Variants in FAM149A observed in about 807,000 individuals in gnomAD.
The protein encoded by FAM149A is family with sequence similarity 149 member A.
In FAM149A, 71 loss-of-function variants were observed where a neutral mutation model predicts 78.2. The ratio of observed to expected loss-of-function variants is 0.91; its 90% CI spans 0.75 to 1.11. FAM149A has a LOEUF of 1.11. Among genes scored for constraint, FAM149A ranks in the 50% least tolerant of loss-of-function variants. The pLI, the probability that FAM149A is intolerant of heterozygous loss-of-function variation, is 0.00. For synonymous variants in FAM149A, 446 were observed against 410.5 expected, an observed-to-expected ratio of 1.09 and a Z score of -1.04; for missense variants, 1,036 against 971.0, an observed-to-expected ratio of 1.07 and a Z score of -0.89.
chr4:186,121,817 C>G (rs1050963659), intron 1 of FAM149A, among the ~76,000 whole-genome samples: 5 of 152,190 alleles, frequency 3.3e-5, no homozygotes, highest in African/African-American at 1.2e-4. Flanking sequence ...CTCTGTCTTG[C>G]TTTTGTGGTG....
chr4:186,154,357 A>G (rs1156310134), intron 5 of FAM149A, 111 bp from the exon 6 acceptor site: 4 of 839,670 alleles, frequency 4.8e-6, no homozygotes, highest in Non-Finnish European at 7.0e-6. Context: ...CCGTTTTGGG[A>G]GGGGGGGATT....
chr4:186,126,684 C>T (rs981685140), intron 1 of FAM149A, among the ~76,000 whole-genome samples: 1 of 151,998 alleles, frequency 6.6e-6, no homozygotes, highest in African/African-American at 2.4e-5. Flanking sequence ...CCCCATTGAC[C>T]CCCCTGGTTC....
chr4:186,111,799 C>A (rs1031021709), intron 1 of FAM149A, among the ~76,000 whole-genome samples: 4 of 151,038 alleles, frequency 2.6e-5, no homozygotes, highest in Admixed American at 2.0e-4. Context: ...GTTACTGTAG[C>A]CTTGTAGTAT....
chr4:186,127,661 A>G (rs2099318896), intron 1 of FAM149A: 1 of 985,260 alleles, frequency 1.0e-6, no homozygotes, highest in African/African-American at 1.7e-5. Context: ...TGTGTGTGAA[A>G]GAGGTAGTCT....
intron 13 of FAM149A, chr4:186,167,514 A>C (rs891474465): frequency 7.0e-4 from 14 of 19,990 alleles, no homozygotes; most frequent in Non-Finnish European, 1.8e-3. Context: ...CCTCACTCAA[A>C]AAAAAAAAAA....
chr4:186,158,824 G>T (rs919273677), intron 8 of FAM149A: 1 of 1,003,578 alleles, frequency 1.0e-6, no homozygotes, highest in South Asian at 4.2e-5. Flanking sequence ...TGAATGAGGA[G>T]GATCAACCAC....
In FAM149A at chr4:186,105,362, T is replaced by C. The variant is rs983447075; in HGVS notation, c.286T>C (p.Ser96Pro). The C allele has an allele frequency of 1.1e-5, 13 of 1,187,472 alleles. No individual in the cohort carries two copies. The Admixed American group carries it at 4.8e-4, about 44-fold the overall frequency. 73.6% of individuals were successfully genotyped at this position (1,187,472 alleles called of 1,614,324 possible). A position where few individuals can be genotyped will look rare whatever the true frequency, so the allele number is the denominator to read the frequency against. ...CGCGGGAGCAGTGGGGACCCTGCTC[T>C]CTTGGCCCAGTAGCCCTAGAGCGGG... Residue 96 changes from serine (S) to proline (P), a missense_variant, in exon 1 of 14, where the codon TCT becomes CCT. Ser to Pro is a moderately conservative substitution (Grantham distance 74, BLOSUM62 -1). Coordinates refer to ENST00000389354, the MANE Select transcript of FAM149A (RefSeq NM_001367768.3).
In FAM149A at chr4:186,130,293, C is replaced by CTCTATATATATA; in HGVS notation, c.567-18879_567-18878insCTATATATATAT. ...TCTCTCTCTCTCTCTCTCTCTCTCT[C>CTCTATATATATA]TATATATATATATATATATATAATC... On this transcript the variant is annotated intron_variant, in intron 1 of 13. Coordinates refer to ENST00000389354, the MANE Select transcript of FAM149A (RefSeq NM_001367768.3). The CTCTATATATATA allele has an allele frequency of 5.1e-3, 239 of 46,548 alleles. 1 individual carries two copies. The highest frequency in any genetic ancestry group is 0.029 in the Middle Eastern group (2 of 68). 2.9% of individuals were successfully genotyped at this position (46,548 alleles called of 1,614,324 possible).
At chr4:186,161,412 T>G (rs1033805844) in intron 8 of FAM149A, among the ~76,000 whole-genome samples, 1 of 152,216 alleles carries the variant, frequency 6.6e-6, no homozygotes, top group Admixed American at 6.5e-5. Context: ...CTCAGAGGCT[T>G]GTTTCACTCT....
chr4:186,105,110 T>C lies in FAM149A; in HGVS notation c.34T>C (p.Leu12=), dbSNP rs548025618. ...TGCTGTGCTGGACCTTGGGTCTCTCTTGGCCAAACTCTTCGAGACCTCGAC... is the reference window on the plus strand; with the variant it reads ...TGCTGTGCTGGACCTTGGGTCTCTCCTGGCCAAACTCTTCGAGACCTCGAC... The change falls in exon 1 of 14, where the codon TTG becomes CTG. Residue 12 remains leucine (L), a synonymous_variant. Transcript: ENST00000389354. 16 of 1,281,660 alleles carry C rather than the reference T, an allele frequency of 1.2e-5. No individual in the cohort carries two copies. In the South Asian group the frequency reaches 1.9e-4, roughly 15 times the overall value. The allele number at this position is 1,281,660 out of a possible 1,614,324, so 79.4% of individuals were successfully genotyped here.
rs1181664698 is a variant in FAM149A, at chr4:186,163,434, G to A, written c.1690G>A (p.Glu564Lys). The A allele has an allele frequency of 6.2e-7, 1 of 1,613,398 alleles. No homozygotes were observed. The highest frequency in any genetic ancestry group is 1.7e-5 in the Admixed American group (1 of 60,026). ...GGATTTCCTTCCCAGGAATGAGAAG[G>A]AGGACAAAGCATCGGGTGGAGGGGC... Residue 564 changes from glutamate to lysine, a missense_variant, in exon 10 of 14, where the codon GAG becomes AAG. Glu to Lys is a moderately conservative substitution (Grantham distance 56). Transcript: ENST00000389354.
At chr4:186,127,987 C>CATTT (rs2099319087) in intron 1 of FAM149A, among the ~76,000 whole-genome samples, 1 of 62,390 alleles carries the variant, frequency 1.6e-5, no homozygotes. Context: ...CATGCCCGGC[C>CATTT]TTTTTTTTTT....
rs1406312357 is a variant in FAM149A at position 186,105,092 on chromosome 4, C to T, written c.16C>T (p.Leu6=). The T allele has an allele frequency of 4.7e-6, 6 of 1,280,470 alleles. No individual in the cohort carries two copies. The highest frequency in any genetic ancestry group is 6.1e-6 in the Non-Finnish European group (6 of 985,032). 79.3% of individuals were successfully genotyped at this position (1,280,470 alleles called of 1,614,324 possible). ...CTGTCGAGGCATGAAGGCTGCTGTG[C>T]TGGACCTTGGGTCTCTCTTGGCCAA... is the stretch of plus-strand genomic sequence containing the variant. Residue 6 remains leucine (L), a synonymous_variant, in exon 1 of 14, where the codon CTG becomes TTG. Coordinates refer to ENST00000389354, the MANE Select transcript of FAM149A (RefSeq NM_001367768.3).
At chr4:186,136,954 C>CTCTCTCTT (rs2099323117) in intron 1 of FAM149A, among the ~76,000 whole-genome samples, 4 of 111,390 alleles carry the variant, frequency 3.6e-5, no homozygotes, top group African/African-American at 1.2e-4. Flanking sequence ...CTCTCTCTCT[C>CTCTCTCTT]TCTCTCTCTT....
At chr4:186,116,429 T>C (rs2099313741) in intron 1 of FAM149A, 1 of 982,554 alleles carries the variant, frequency 1.0e-6, no homozygotes, top group African/African-American at 1.7e-5. Context: ...TCATGACCGT[T>C]ACTTTCTATT....
Position 186,156,192 on chromosome 4 carries a change from T to C in FAM149A, c.1420+2T>C. The C allele has an allele frequency of 6.2e-7, 1 of 1,608,572 alleles. No homozygotes were observed. Among genetic ancestry groups the C allele is most frequent in the Middle Eastern group, 1.7e-4 (1 of 6,036 alleles). On this transcript the variant is annotated splice_donor_variant, in intron 7 of 13. Coordinates refer to ENST00000389354, the MANE Select transcript of FAM149A (RefSeq NM_001367768.3). LOFTEE classifies it high-confidence loss of function. ...AACACTGGGAAACTACACTCACAGG[T>C]ACTTACATGCAGAATTTAGCTTAAT...
At chr4:186,158,222 C>T (rs926074482) in intron 8 of FAM149A, 11 of 1,268,992 alleles carry the variant, frequency 8.7e-6, no homozygotes, top group African/African-American at 4.6e-5. Flanking sequence ...AACCTTCACT[C>T]GCCAGACCCA....
intron 1 of FAM149A, among the ~76,000 whole-genome samples, chr4:186,107,935 A>G (rs140385519): frequency 6.6e-6 from 1 of 152,284 alleles, no homozygotes; most frequent in African/African-American, 2.4e-5. Flanking sequence ...TCCTTTTTCA[A>G]TCACTAAAAC....
At position 186,157,756 on chromosome 4, in the gene FAM149A, C is replaced by A. The variant is rs1734169022; in HGVS notation, c.1575+37C>A. The A allele has an allele frequency of 4.4e-6, 7 of 1,582,260 alleles. No homozygotes were observed. The East Asian group carries it at 1.6e-4, about 35-fold the overall frequency. ...CACACCCTTCTCCCTCTTGCCTTCACTCTGTGTGTCTGTCACCTCAGTTTG... is the reference window on the plus strand; with the variant it reads ...CACACCCTTCTCCCTCTTGCCTTCAATCTGTGTGTCTGTCACCTCAGTTTG... On this transcript the variant is annotated intron_variant, in intron 8 of 13. Coordinates refer to ENST00000389354, the MANE Select transcript of FAM149A (RefSeq NM_001367768.3).
Sources: gnomAD v4.1 joint callset for allele counts (sites outside exome capture counted in the v4.1 genomes callset) on GRCh38, gnomAD v4.1.1 for gene constraint, MANE v1.5 for transcripts, NCBI Gene and HGNC (gene_info 2026-07-23, HGNC 2026-07-21) for gene names.